Variants in OSBPL2 observed in about 807,000 individuals in gnomAD.
The protein encoded by OSBPL2 is oxysterol-binding protein-related protein 2.
In OSBPL2, 18 loss-of-function variants were observed where a neutral mutation model predicts 58.4. The ratio of observed to expected loss-of-function variants is 0.31; its 90% CI spans 0.21 to 0.46. The LOEUF is 0.46. OSBPL2 is among the 20% of genes least tolerant of loss of function. The probability of loss-of-function intolerance (pLI) is 1.00; values close to 1 mark genes in which losing one functional copy is unlikely to be tolerated. For synonymous variants in OSBPL2, 221 were observed against 234.1 expected (o/e 0.94, Z 0.51); for missense variants, 461 against 616.5 (o/e 0.75, Z 2.67).
intron 13 of OSBPL2, among the ~76,000 whole-genome samples, chr20:62,293,052 T>G (rs530398603): frequency 9.9e-5 from 15 of 152,122 alleles, no homozygotes; most frequent in African/African-American, 3.4e-4. Context: ...TTTTTTGTAT[T>G]TTTAGTAGAG....
At chr20:62,292,607 A>C (rs1238609095) in intron 13 of OSBPL2, among the ~76,000 whole-genome samples, 3 of 152,256 alleles carry the variant, frequency 2.0e-5, no homozygotes, top group Non-Finnish European at 4.4e-5. Flanking sequence ...GTATAATTTA[A>C]AAATGTATTT....
intron 4 of OSBPL2, among the ~76,000 whole-genome samples, chr20:62,265,756 T>A (rs1793745840): frequency 6.6e-6 from 1 of 152,278 alleles, no homozygotes; most frequent in African/African-American, 2.4e-5. Context: ...AATTCAGGTC[T>A]TGACAAAAAT....
chr20:62,265,135 AATC>A (rs1316990352), intron 4 of OSBPL2, among the ~76,000 whole-genome samples: 1 of 152,146 alleles, frequency 6.6e-6, no homozygotes, highest in Admixed American at 6.6e-5. Context: ...GTTTTACTGA[AATC>A]ATTCTAATGG....
At chr20:62,277,155 G>T (rs1243969753) in intron 6 of OSBPL2, among the ~76,000 whole-genome samples, 2 of 152,224 alleles carry the variant, frequency 1.3e-5, no homozygotes, top group African/African-American at 4.8e-5. Flanking sequence ...GGAGGCTGAG[G>T]CTGGAGAATC....
intron 4 of OSBPL2, among the ~76,000 whole-genome samples, chr20:62,268,860 AGT>A (rs1981868322): frequency 6.6e-6 from 1 of 152,158 alleles, no homozygotes; most frequent in Non-Finnish European, 1.5e-5. Flanking sequence ...GTTCGAGACC[AGT>A]CTGGTCAACA....
Sources: gnomAD v4.1 joint callset for allele counts (sites outside exome capture counted in the v4.1 genomes callset) on GRCh38, gnomAD v4.1.1 for gene constraint, MANE v1.5 for transcripts, NCBI Gene and HGNC (gene_info 2026-07-23, HGNC 2026-07-21) for gene names.